The following TP63 variants were observed in gnomAD, a reference collection of about 807,000 sequenced individuals.
TP63 encodes tumor protein p63.
A neutral mutation model predicts 82.8 loss-of-function variants in TP63; 17 were observed. The observed-to-expected ratio is 0.21, with a 90% confidence interval of 0.14 to 0.31. TP63 has a LOEUF of 0.31. Ranked by LOEUF, TP63 falls within the 10% of genes least tolerant of loss-of-function variation. The pLI, the probability that TP63 is intolerant of heterozygous loss-of-function variation, is 1.00. For missense variants in TP63, 648 were observed against 895.3 expected, an observed-to-expected ratio of 0.72 and a Z score of 3.52; for synonymous variants, 330 against 321.7, an observed-to-expected ratio of 1.03 and a Z score of -0.28.
intron 4 of TP63, among the ~76,000 whole-genome samples, chr3:189,854,131 G>A (rs1715998480): frequency 6.6e-6 from 1 of 152,174 alleles, no homozygotes. Context: ...GCTAGATTAA[G>A]TATTGAATGT....
At chr3:189,814,576 C>G (rs1382020486) in intron 4 of TP63, among the ~76,000 whole-genome samples, 1 of 152,150 alleles carries the variant, frequency 6.6e-6, no homozygotes, top group Non-Finnish European at 1.5e-5. Flanking sequence ...TAGCATTGAG[C>G]ATATTAATCT....
chr3:189,833,761 C>T (rs1712715266), intron 4 of TP63, among the ~76,000 whole-genome samples: 1 of 151,244 alleles, frequency 6.6e-6, no homozygotes, highest in Non-Finnish European at 1.5e-5. Flanking sequence ...TTAATTAAGA[C>T]AGCGGTATCT....
At chr3:189,759,786 T>C (rs1474824314) in intron 3 of TP63, among the ~76,000 whole-genome samples, 1 of 152,192 alleles carries the variant, frequency 6.6e-6, no homozygotes, top group Admixed American at 6.5e-5. Context: ...GTAGCTGTTG[T>C]ATTACTCCAT....
intron 4 of TP63, among the ~76,000 whole-genome samples, chr3:189,813,793 CT>C (rs1727855651): frequency 6.6e-6 from 1 of 152,080 alleles, no homozygotes. Flanking sequence ...TGGGAAGGAA[CT>C]TTTTTTCTCT....
chr3:189,869,717 GTT>G (rs751802317), intron 9 of TP63, among the ~76,000 whole-genome samples: 1 of 136,712 alleles, frequency 7.3e-6, no homozygotes. Context: ...TCTCTAGGGT[GTT>G]TTTTTTTTTT....
chr3:189,724,081 AC>A (rs1553821364), intron 1 of TP63, among the ~76,000 whole-genome samples: 1 of 148,544 alleles, frequency 6.7e-6, no homozygotes, highest in Admixed American at 6.8e-5. Flanking sequence ...ATTGCAATAT[AC>A]CAGAAAGAAT....
rs371502829 is a variant in TP63, at chr3:189,763,119, T to G, written c.324+24345T>G. Among the ~76,000 whole-genome samples, 7 of 152,048 alleles carry G rather than the reference T, an allele frequency of 4.6e-5. No homozygotes were observed. In the East Asian group the frequency reaches 7.8e-4, roughly 17 times the overall value. On this transcript the variant is annotated intron_variant, in intron 3 of 13. Transcript: ENST00000264731. ...GACCCCTGTCTCTATAAACAAAATTTAAAAATTATCTGGGCATGGTGGTGC... is the reference window on the plus strand; with the variant it reads ...GACCCCTGTCTCTATAAACAAAATTGAAAAATTATCTGGGCATGGTGGTGC...
At position 189,879,671 on chromosome 3, in the gene TP63, G is replaced by A. The variant is rs749842024; in HGVS notation, c.1349+6676G>A. ...TAATTGAGTCCAGTAAACCGTATGC[G>A]AAGCACTGTGTTAAATACCTTGATC... On this transcript the variant is annotated intron_variant, in intron 10 of 13. Transcript: ENST00000264731. Among the ~76,000 whole-genome samples the A allele has an allele frequency of 3.6e-4, 55 of 151,904 alleles. 2 individuals are homozygous for A. The highest frequency in any genetic ancestry group is 2.6e-4 in the Admixed American group (4 of 15,242).
chr3:189,888,588 A>G (rs937037723), intron 11 of TP63, among the ~76,000 whole-genome samples: 3 of 152,258 alleles, frequency 2.0e-5, no homozygotes, highest in Non-Finnish European at 4.4e-5. Context: ...GAAACAAATT[A>G]CATTAATCTT....
At chr3:189,802,179 T>A (rs116510235) in intron 3 of TP63, among the ~76,000 whole-genome samples, 172 of 152,290 alleles carry the variant, frequency 1.1e-3, no homozygotes, top group African/African-American at 3.7e-3. Context: ...TGCTGATATT[T>A]GGGGATGGAA....
intron 1 of TP63, among the ~76,000 whole-genome samples, chr3:189,661,445 C>T (rs1362672767): frequency 6.6e-6 from 1 of 152,060 alleles, no homozygotes; most frequent in Non-Finnish European, 1.5e-5. Flanking sequence ...GGTGAATTAA[C>T]TTTTTGATGC....
chr3:189,858,579 A>T (rs1318222855), intron 4 of TP63, among the ~76,000 whole-genome samples: 2 of 152,302 alleles, frequency 1.3e-5, no homozygotes, highest in East Asian at 3.9e-4. Flanking sequence ...GTTTGAGACA[A>T]GCTTGGGCAA....
chr3:189,832,487 C>A (rs1310785725), intron 4 of TP63, among the ~76,000 whole-genome samples: 1 of 152,216 alleles, frequency 6.6e-6, no homozygotes, highest in Non-Finnish European at 1.5e-5. Flanking sequence ...ACAACAGTGA[C>A]ATAGCAAGCA....
At chr3:189,737,689 G>C (rs745482193) in intron 1 of TP63, 51 bp from the exon 2 acceptor site, 1 of 1,586,758 alleles carries the variant, frequency 6.3e-7, no homozygotes, top group African/African-American at 1.3e-5. Flanking sequence ...TAAATATTCA[G>C]TGTCATAAAT....
At chr3:189,675,275 T>C (rs778527378) in intron 1 of TP63, among the ~76,000 whole-genome samples, 105 of 152,038 alleles carry the variant, frequency 6.9e-4, no homozygotes, top group Non-Finnish European at 1.1e-3. Flanking sequence ...GGGGTTAGGA[T>C]TTCAACATGG....
At chr3:189,630,473 T>C (rs1430947344), upstream of TP63, among the ~76,000 whole-genome samples, 2 of 152,186 alleles carry the variant, frequency 1.3e-5, no homozygotes, top group Non-Finnish European at 1.5e-5. Context: ...AACAATTTTA[T>C]GGTTTCCTTT....
intron 3 of TP63, among the ~76,000 whole-genome samples, chr3:189,757,044 A>G (rs1458220409): frequency 6.6e-6 from 1 of 152,316 alleles, no homozygotes; most frequent in East Asian, 1.9e-4. Context: ...CCTTTGGCAA[A>G]ATATGCATAC....
rs367558596 is a variant in TP63 at position 189,890,899 on chromosome 3, C to G, written c.1746+17C>G. ...TCCATGGATGTAAGTAACTGTTAGA[C>G]TTTTCTCAAATTTTATTTCTTCATT... On this transcript the variant is annotated intron_variant, in intron 13 of 13. Coordinates refer to ENST00000264731, the MANE Select transcript of TP63 (RefSeq NM_003722.5). 6.2e-7 allele frequency: 1 copy of G among 1,607,988 alleles called. No homozygotes were observed. The highest frequency in any genetic ancestry group is 2.2e-5 in the East Asian group (1 of 44,832).
At chr3:189,617,053 T>A in the TP63 span, among the ~76,000 whole-genome samples, 1 of 152,316 alleles carries the variant, frequency 6.6e-6, no homozygotes, top group East Asian at 1.9e-4. Flanking sequence ...ATATATATTC[T>A]GGCAAACTCC....
Sources: gnomAD v4.1 joint callset for allele counts (sites outside exome capture counted in the v4.1 genomes callset) on GRCh38, gnomAD v4.1.1 for gene constraint, MANE v1.5 for transcripts, NCBI Gene and HGNC (gene_info 2026-07-23, HGNC 2026-07-21) for gene names.